Variants in ANKFN1 observed in about 807,000 individuals in gnomAD.
The protein encoded by ANKFN1 is ankyrin repeat and fibronectin type III domain containing 1, also known as ankyrin repeat and fibronectin type-III domain-containing protein 1.
Under a neutral mutation model 108.7 loss-of-function variants are expected in ANKFN1, and 74 were observed. The observed-to-expected ratio is 0.68, with a 90% CI of 0.56 to 0.83. The LOEUF (loss-of-function observed/expected upper bound fraction) is 0.83, where lower values mean the gene tolerates loss of function less well. Among genes scored for constraint, ANKFN1 ranks in the 40% least tolerant of loss-of-function variants. The pLI, the probability that ANKFN1 is intolerant of heterozygous loss-of-function variation, is 0.00. For synonymous variants in ANKFN1, 547 were observed against 516.2 expected (o/e 1.06, Z -0.81); for missense variants, 1,505 against 1,382.3 (o/e 1.09, Z -1.41).
chr17:56,192,181 G>A (rs1415826087), intron 1 of ANKFN1, among the ~76,000 whole-genome samples: 1 of 150,560 alleles, frequency 6.6e-6, no homozygotes, highest in East Asian at 2.0e-4. Context: ...ATGGTGCTGG[G>A]AAAACTGGCT....
chr17:56,280,861 G>A (rs559157980), intron 3 of ANKFN1, among the ~76,000 whole-genome samples: 1 of 152,318 alleles, frequency 6.6e-6, no homozygotes, highest in South Asian at 2.1e-4. Context: ...CCCATATGTT[G>A]TGGGAGGGAC....
intron 3 of ANKFN1, among the ~76,000 whole-genome samples, chr17:56,281,705 A>G (rs1232276378): frequency 6.6e-6 from 1 of 152,250 alleles, no homozygotes; most frequent in African/African-American, 2.4e-5. Flanking sequence ...AACACTTCAC[A>G]GAAGATATAA....
At chr17:56,387,662 T>C (rs1434390747) in intron 8 of ANKFN1, among the ~76,000 whole-genome samples, 1 of 152,070 alleles carries the variant, frequency 6.6e-6, no homozygotes, top group Non-Finnish European at 1.5e-5. Flanking sequence ...GTGTGTGTGT[T>C]GTTTAAGTAC....
intron 3 of ANKFN1, among the ~76,000 whole-genome samples, chr17:56,278,784 C>T (rs2043999106): frequency 6.6e-6 from 1 of 152,140 alleles, no homozygotes; most frequent in South Asian, 2.1e-4. Context: ...AAAAACAAAG[C>T]CTAACAGCTT....
chr17:56,167,534 A>C (rs1910265174), intron 1 of ANKFN1, among the ~76,000 whole-genome samples: 1 of 152,012 alleles, frequency 6.6e-6, no homozygotes, highest in Admixed American at 6.6e-5. Context: ...TTGTAGCCCC[A>C]CTTTTCTGCC....
chr17:56,214,354 G>A (rs186775852), intron 2 of ANKFN1, among the ~76,000 whole-genome samples: 65 of 152,302 alleles, frequency 4.3e-4, no homozygotes, highest in Non-Finnish European at 7.1e-4. Flanking sequence ...ATCAAGAAAA[G>A]CTTCGCAGAG....
intron 4 of ANKFN1, among the ~76,000 whole-genome samples, chr17:56,147,156 C>T (rs1208072953): frequency 6.6e-6 from 1 of 152,178 alleles, no homozygotes; most frequent in African/African-American, 2.4e-5. Flanking sequence ...TGTCATTGTC[C>T]ATACCACTAT....
rs1304666173 is a variant in ANKFN1, at chr17:56,090,877, G to A, written c.288+44552G>A. The stretch of plus-strand genomic sequence containing the variant: ...CCCAACAAGGCATCCCAAAGTGCTG[G>A]GATTACAGGTGTGAGCCACCGTGCC... On this transcript the variant is annotated intron_variant, in intron 4 of 12. Coordinates refer to the ANKFN1 transcript ENST00000635860. Among the ~76,000 whole-genome samples the A allele has an allele frequency of 1.3e-5, 2 of 151,156 alleles. 1 individual carries two copies. Among genetic ancestry groups the A allele is most frequent in the African/African-American group, 4.9e-5 (2 of 41,166 alleles).
chr17:56,400,679 G>C (rs1478661585), intron 8 of ANKFN1, among the ~76,000 whole-genome samples: 1 of 152,146 alleles, frequency 6.6e-6, no homozygotes, highest in Non-Finnish European at 1.5e-5. Context: ...TGTCTAGAAG[G>C]ATTTTTCCAA....
chr17:56,262,895 C>A (rs373335134), intron 3 of ANKFN1, among the ~76,000 whole-genome samples: 49 of 152,302 alleles, frequency 3.2e-4, no homozygotes, highest in African/African-American at 1.1e-3. Flanking sequence ...CTTTTCCCCC[C>A]TTTGTCTATG....
intron 4 of ANKFN1, among the ~76,000 whole-genome samples, chr17:56,123,955 A>C (rs551910561): frequency 3.3e-4 from 50 of 152,276 alleles, no homozygotes; most frequent in African/African-American, 1.1e-3. Context: ...AAGAACCCCC[A>C]GAAGGCATCT....
intron 4 of ANKFN1, among the ~76,000 whole-genome samples, chr17:56,078,890 T>G (rs1905213106): frequency 6.6e-6 from 1 of 152,202 alleles, no homozygotes; most frequent in African/African-American, 2.4e-5. Context: ...AAGTCTCTCC[T>G]AGCCACCTCA....
intron 1 of ANKFN1, chr17:56,174,331 G>T (rs1463534290): frequency 2.0e-6 from 2 of 985,500 alleles, no homozygotes; most frequent in African/African-American, 3.5e-5. Flanking sequence ...ATGCCACCTG[G>T]AATCCCTACC....
rs777136761 is a variant in ANKFN1 at position 56,374,684 on chromosome 17, G to A, written c.880G>A (p.Val294Ile). The A allele has an allele frequency of 3.8e-5, 62 of 1,613,684 alleles. No homozygotes were observed. The highest frequency in any genetic ancestry group is 1.5e-4 in the South Asian group (14 of 91,062). ...TGTCAGCTTCCAAGAGCCTCTTAGC[G>A]TCAATGCAGCTGTAGTAACCAGGTA... ...LTVSFQEPLS[V>I]NAAVVTRYKV... Residue 294 changes from valine (V) to isoleucine (I), a missense_variant, in exon 8 of 21, where the codon GTC (valine) becomes ATC (isoleucine). Transcript: ENST00000682825.
chr17:56,331,265 G>A (rs1488383375), intron 4 of ANKFN1, among the ~76,000 whole-genome samples: 3 of 152,032 alleles, frequency 2.0e-5, no homozygotes, highest in South Asian at 2.1e-4. Context: ...TTCTATACAT[G>A]GATTATACCC....
chr17:56,277,004 T>C (rs2043952344), intron 3 of ANKFN1, among the ~76,000 whole-genome samples: 1 of 152,182 alleles, frequency 6.6e-6, no homozygotes, highest in South Asian at 2.1e-4. Flanking sequence ...AACAAAAGTG[T>C]ACTCTATGCA....
intron 3 of ANKFN1, among the ~76,000 whole-genome samples, chr17:56,255,724 A>G (rs1479377476): frequency 6.6e-6 from 1 of 152,246 alleles, no homozygotes. Flanking sequence ...CACAGCATTT[A>G]CACACGCTTG....
intron 4 of ANKFN1, among the ~76,000 whole-genome samples, chr17:56,108,349 A>T (rs1905790924): frequency 6.6e-6 from 1 of 152,138 alleles, no homozygotes; most frequent in African/African-American, 2.4e-5. Flanking sequence ...TAGCACTTTC[A>T]TTACATGCCT....
intron 3 of ANKFN1, among the ~76,000 whole-genome samples, chr17:56,251,167 G>A (rs2043226893): frequency 6.6e-6 from 1 of 152,222 alleles, no homozygotes; most frequent in South Asian, 2.1e-4. Flanking sequence ...AAGGTGGGCA[G>A]ATCATTTGAG....
Sources: allele counts gnomAD v4.1 joint callset (sites outside exome capture counted in the v4.1 genomes callset), GRCh38; gene constraint gnomAD v4.1.1; transcripts MANE v1.5; gene names NCBI Gene and HGNC (gene_info 2026-07-23, HGNC 2026-07-21).